APTX: variants seen among roughly 807,000 people sequenced by gnomAD.
The protein encoded by APTX is aprataxin, also known as forkhead-associated domain histidine triad-like protein.
Under a neutral mutation model 42.3 loss-of-function variants are expected in APTX, and 33 were observed. The observed-to-expected ratio is 0.78, with a 90% CI of 0.59 to 1.04. The LOEUF is 1.04. Among genes scored for constraint, APTX ranks in the 50% least tolerant of loss-of-function variants. APTX has a pLI of 0.00. For missense variants in APTX, 421 were observed against 415.1 expected (o/e 1.01, Z -0.12); for synonymous variants, 130 against 146.7 (o/e 0.89, Z 0.82).
intron 1 of APTX, among the ~76,000 whole-genome samples, chr9:32,999,156 T>A (rs1456529669): frequency 6.6e-6 from 1 of 152,240 alleles, no homozygotes; most frequent in East Asian, 1.9e-4. Flanking sequence ...AGTAAAGGGA[T>A]GACCAAGTTC....
At chr9:33,001,723 A>G, upstream of APTX, 1 of 1,374,200 alleles carries the variant, frequency 7.3e-7, no homozygotes, top group Non-Finnish European at 1.0e-6. Flanking sequence ...CACTTCCCAG[A>G]TCAAAAAGCG....
At chr9:33,020,044 G>A (rs145108224) in intron 1 of APTX, 15 of 396,812 alleles carry the variant, frequency 3.8e-5, no homozygotes, top group East Asian at 1.1e-4. Flanking sequence ...CGGAGCTGCC[G>A]GGGTGTCCGC....
intron 1 of APTX, among the ~76,000 whole-genome samples, chr9:33,014,814 G>C (rs1478104268): frequency 6.6e-6 from 1 of 152,144 alleles, no homozygotes. Context: ...CCTCTACACT[G>C]GTCACCCGGT....
upstream of APTX, among the ~76,000 whole-genome samples, chr9:33,003,752 C>T (rs552119379): frequency 9.8e-5 from 15 of 152,302 alleles, no homozygotes; most frequent in African/African-American, 3.6e-4. Flanking sequence ...TAAGTAAAAT[C>T]AGACAGTATT....
chr9:32,974,249 A>AG (rs1828778011), intron 7 of APTX, among the ~76,000 whole-genome samples: 1 of 152,214 alleles, frequency 6.6e-6, no homozygotes, highest in African/African-American at 2.4e-5. Flanking sequence ...ATAGCTTTCT[A>AG]GGTCCCCCAA....
chr9:32,998,781 G>A (rs1835578032), intron 1 of APTX, among the ~76,000 whole-genome samples: 1 of 151,834 alleles, frequency 6.6e-6, no homozygotes, highest in Admixed American at 6.6e-5. Flanking sequence ...ATGACAGGTT[G>A]ATGGGTGCAG....
chr9:32,991,392 A>C (rs1455287999), intron 1 of APTX, among the ~76,000 whole-genome samples: 2 of 152,232 alleles, frequency 1.3e-5, no homozygotes, highest in African/African-American at 4.8e-5. Context: ...AGACCTCAAC[A>C]ATGGCCGAAG....
At position 32,984,624 on chromosome 9, in the gene APTX, G is replaced by A. The variant is rs771854083; in HGVS notation, c.770+7C>T. The A allele has an allele frequency of 6.2e-7, 1 of 1,613,844 alleles. No individual in the cohort carries two copies. The highest frequency in any genetic ancestry group is 1.1e-5 in the South Asian group (1 of 91,076). ...CAGGAGCCAGCAGCACTACCCACCT[G>A]GCTTACCTCATACTCGGAATGGCGT... On this transcript the variant is annotated splice_region_variant and intron_variant, in intron 6 of 7. Coordinates refer to ENST00000379817, the MANE Select transcript of APTX (RefSeq NM_001195248.2).
intron 1 of APTX, among the ~76,000 whole-genome samples, chr9:33,008,753 T>C (rs1461867793): frequency 6.6e-6 from 1 of 152,204 alleles, no homozygotes; most frequent in Non-Finnish European, 1.5e-5. Context: ...GGTTTTGCCA[T>C]GTTGGCAAGG....
intron 1 of APTX, among the ~76,000 whole-genome samples, chr9:33,021,586 A>G (rs75524475): frequency 0.07 from 10,729 of 152,246 alleles, 514 homozygotes; most frequent in Non-Finnish European, 0.11. Context: ...ACTTTGGGAC[A>G]CCAAGGCAGG....
At chr9:32,996,816 A>C (rs1382796660) in intron 1 of APTX, among the ~76,000 whole-genome samples, 1 of 152,232 alleles carries the variant, frequency 6.6e-6, no homozygotes, top group Non-Finnish European at 1.5e-5. Flanking sequence ...CGCATTCACA[A>C]AACAATGAGG....
At chr9:33,000,625 CAAAAAAAAAAA>C (rs60760701) in intron 1 of APTX, among the ~76,000 whole-genome samples, 3 of 63,454 alleles carry the variant, frequency 4.7e-5, no homozygotes, top group African/African-American at 1.8e-4. Flanking sequence ...GACTCTGTCT[CAAAAAAAAAAA>C]AAAAAAAAAA....
At position 32,986,043 on chromosome 9, in the gene APTX, CAAAA is replaced by C; in HGVS notation, c.484-17_484-14del. ...GGCCCAGGGATTCCTAAAAAAAAAACAAAAAAAAAAACAAAAAAAAAAAAAAACA... is the reference window on the plus strand; with the variant it reads ...GGCCCAGGGATTCCTAAAAAAAAAACAAAAAAACAAAAAAAAAAAAAAACA... On this transcript the variant is annotated splice_polypyrimidine_tract_variant and intron_variant, in intron 4 of 7. Coordinates refer to ENST00000379817, the MANE Select transcript of APTX (RefSeq NM_001195248.2). 1 of 985,242 alleles carries C rather than the reference CAAAA, an allele frequency of 1.0e-6. No homozygotes were observed. The highest frequency in any genetic ancestry group is 1.4e-6 in the Non-Finnish European group (1 of 709,512). 61.0% of individuals were successfully genotyped at this position (985,242 alleles called of 1,614,324 possible). A position where few individuals can be genotyped will look rare whatever the true frequency, so the allele number is the denominator to read the frequency against.
At chr9:33,001,426 GGA>G in intron 1 of APTX, 139 bp downstream of exon 1, 1 of 1,544,566 alleles carries the variant, frequency 6.5e-7, no homozygotes, top group East Asian at 2.4e-5. Context: ...AGGGGAGGAC[GGA>G]GAAAGCAGCC....
At chr9:33,019,520 T>C (rs1431804066) in intron 1 of APTX, among the ~76,000 whole-genome samples, 1 of 152,138 alleles carries the variant, frequency 6.6e-6, no homozygotes, top group Non-Finnish European at 1.5e-5. Context: ...TTTTCTGTGG[T>C]AACAAACATT....
At chr9:33,017,928 G>GGC (rs775751927) in intron 1 of APTX, among the ~76,000 whole-genome samples, 1 of 70,798 alleles carries the variant, frequency 1.4e-5, no homozygotes. Context: ...AGCAACCAGC[G>GGC]CCCCCCCCCC....
chr9:33,007,766 A>AT (rs1837261875), intron 1 of APTX, among the ~76,000 whole-genome samples: 1 of 151,782 alleles, frequency 6.6e-6, no homozygotes, highest in African/African-American at 2.4e-5. Flanking sequence ...TGAAAACGAT[A>AT]TTAAAAAAAA....
At chr9:32,995,920 A>G (rs2119013074) in intron 1 of APTX, among the ~76,000 whole-genome samples, 1 of 151,460 alleles carries the variant, frequency 6.6e-6, no homozygotes, top group African/African-American at 2.4e-5. Flanking sequence ...TGCCACAGAC[A>G]TCCAAACCTT....
intron 1 of APTX, among the ~76,000 whole-genome samples, chr9:33,008,933 A>G (rs1837347046): frequency 6.6e-6 from 1 of 152,210 alleles, no homozygotes; most frequent in Non-Finnish European, 1.5e-5. Context: ...GTTCTGTTCT[A>G]TACATTACAG....
Sources: gnomAD v4.1 joint callset for allele counts (sites outside exome capture counted in the v4.1 genomes callset) on GRCh38, gnomAD v4.1.1 for gene constraint, MANE v1.5 for transcripts, NCBI Gene and HGNC (gene_info 2026-07-23, HGNC 2026-07-21) for gene names.